Variants in GALNT13 observed in about 807,000 individuals in gnomAD.
GALNT13 encodes the protein UDP-GalNAc:polypeptide N-acetylgalactosaminyltransferase 13.
Under a neutral mutation model 64.2 loss-of-function variants are expected in GALNT13, and 28 were observed. The observed-to-expected ratio is 0.44, with a 90% CI of 0.32 to 0.60. The LOEUF is 0.60. Ranked by LOEUF, GALNT13 falls within the 20% of genes least tolerant of loss-of-function variation. GALNT13 has a pLI of 0.05. For synonymous variants in GALNT13, 214 were observed against 224.6 expected, an observed-to-expected ratio of 0.95 and a Z score of 0.42; for missense variants, 577 against 669.8, an observed-to-expected ratio of 0.86 and a Z score of 1.53.
At chr2:153,805,879 G>A in the GALNT13 span, among the ~76,000 whole-genome samples, 4 of 152,022 alleles carry the variant, frequency 2.6e-5, no homozygotes, top group South Asian at 8.3e-4. Context: ...AATTTGAAAA[G>A]CCTCTAGTAC....
the GALNT13 span, among the ~76,000 whole-genome samples, chr2:153,787,247 G>A: frequency 4.6e-5 from 7 of 152,052 alleles, no homozygotes. Context: ...AAATATAGGG[G>A]AGCCACACAA....
At chr2:154,412,295 G>C (rs1016124425) in intron 11 of GALNT13, among the ~76,000 whole-genome samples, 1 of 151,568 alleles carries the variant, frequency 6.6e-6, no homozygotes, top group African/African-American at 2.4e-5. Context: ...ACCTGTTTCA[G>C]GTTTTGTCTT....
chr2:153,548,730 C>A, the GALNT13 span, among the ~76,000 whole-genome samples: 1 of 152,218 alleles, frequency 6.6e-6, no homozygotes, highest in East Asian at 1.9e-4. Flanking sequence ...CATGAGAAAT[C>A]CTGGGTATAA....
chr2:154,021,546 G>C (rs1360455102), intron 3 of GALNT13, among the ~76,000 whole-genome samples: 1 of 152,082 alleles, frequency 6.6e-6, no homozygotes, highest in African/African-American at 2.4e-5. Context: ...TTTGTATATT[G>C]ATTTTGTATC....
the GALNT13 span, among the ~76,000 whole-genome samples, chr2:153,214,211 A>G: frequency 6.6e-6 from 1 of 152,194 alleles, no homozygotes; most frequent in Non-Finnish European, 1.5e-5. Context: ...CCCACAGCGT[A>G]CAATACCCTT....
At chr2:153,462,678 C>A in the GALNT13 span, among the ~76,000 whole-genome samples, 2 of 152,230 alleles carry the variant, frequency 1.3e-5, no homozygotes, top group East Asian at 3.9e-4. Flanking sequence ...GAAATGAAAT[C>A]TAAATTAGAC....
chr2:153,585,044 C>T, the GALNT13 span, among the ~76,000 whole-genome samples: 1 of 152,102 alleles, frequency 6.6e-6, no homozygotes, highest in Non-Finnish European at 1.5e-5. Flanking sequence ...CAAATGAACA[C>T]AATAATTCTC....
the GALNT13 span, among the ~76,000 whole-genome samples, chr2:153,488,947 A>G: frequency 2.6e-5 from 4 of 152,196 alleles, no homozygotes; most frequent in Admixed American, 2.0e-4. Flanking sequence ...TAGCAAGCAT[A>G]TTGATCTTGG....
At chr2:153,124,475 G>T in the GALNT13 span, among the ~76,000 whole-genome samples, 1 of 152,126 alleles carries the variant, frequency 6.6e-6, no homozygotes, top group South Asian at 2.1e-4. Flanking sequence ...TCTTCATCAT[G>T]AAGCAAACAG....
chr2:153,202,702 T>A, the GALNT13 span, among the ~76,000 whole-genome samples: 4 of 152,330 alleles, frequency 2.6e-5, no homozygotes, highest in Admixed American at 2.6e-4. Context: ...TTTACCCGAA[T>A]TTATAAAATA....
intron 3 of GALNT13, among the ~76,000 whole-genome samples, chr2:154,042,145 A>G (rs1699014880): frequency 7.1e-6 from 1 of 140,424 alleles, no homozygotes; most frequent in Non-Finnish European, 1.6e-5. Context: ...ATAAAGAGCA[A>G]CATCAAGATT....
chr2:154,035,349 TA>T (rs1214586763), intron 3 of GALNT13, among the ~76,000 whole-genome samples: 1 of 152,082 alleles, frequency 6.6e-6, no homozygotes, highest in African/African-American at 2.4e-5. Context: ...AAGTATTTAT[TA>T]GAAATCAAAT....
intron 10 of GALNT13, among the ~76,000 whole-genome samples, chr2:154,404,021 G>A (rs993585306): frequency 6.6e-6 from 1 of 152,244 alleles, no homozygotes; most frequent in Middle Eastern, 3.4e-3. Context: ...CATATTGGAG[G>A]TGGTAGTGGT....
chr2:153,351,584 T>C, the GALNT13 span, among the ~76,000 whole-genome samples: 1 of 152,202 alleles, frequency 6.6e-6, no homozygotes, highest in African/African-American at 2.4e-5. Context: ...GAGAGTTGTT[T>C]TACTGCCCTA....
At chr2:153,814,943 A>T in the GALNT13 span, among the ~76,000 whole-genome samples, 64,689 of 152,072 alleles carry the variant, frequency 0.43, 14,732 homozygotes, top group Admixed American at 0.58. Flanking sequence ...ATGTTGAGAC[A>T]TCTTTAACTG....
At chr2:153,256,708 G>T in the GALNT13 span, among the ~76,000 whole-genome samples, 2 of 152,108 alleles carry the variant, frequency 1.3e-5, no homozygotes, top group African/African-American at 4.8e-5. Flanking sequence ...GGAGTACCAG[G>T]CCGTGTGAGG....
chr2:153,196,996 G>A, the GALNT13 span, among the ~76,000 whole-genome samples: 4 of 152,208 alleles, frequency 2.6e-5, no homozygotes, highest in Non-Finnish European at 4.4e-5. Flanking sequence ...GTTGGCTCTT[G>A]CTGTTGTTAA....
At chr2:154,156,536 G>A (rs1235271174) in intron 4 of GALNT13, among the ~76,000 whole-genome samples, 2 of 152,000 alleles carry the variant, frequency 1.3e-5, no homozygotes, top group Admixed American at 6.6e-5. Flanking sequence ...ATTATGACCT[G>A]GAATTTTCAA....
At chr2:153,634,498 T>C in the GALNT13 span, among the ~76,000 whole-genome samples, 1 of 151,566 alleles carries the variant, frequency 6.6e-6, no homozygotes, top group Non-Finnish European at 1.5e-5. Context: ...GGAGAAGTGG[T>C]TCATTATGAT....
Sources: gnomAD v4.1 joint callset for allele counts (sites outside exome capture counted in the v4.1 genomes callset) on GRCh38, gnomAD v4.1.1 for gene constraint, MANE v1.5 for transcripts, NCBI Gene and HGNC (gene_info 2026-07-23, HGNC 2026-07-21) for gene names.